MAP2K7: variants seen among roughly 807,000 people sequenced by gnomAD.
The protein encoded by MAP2K7 is mitogen-activated protein kinase kinase 7.
Under a neutral mutation model 47.7 loss-of-function variants are expected in MAP2K7, and 12 were observed. That is an observed-to-expected ratio of 0.25 (90% confidence interval 0.16 to 0.41). MAP2K7 has a LOEUF of 0.41. MAP2K7 is among the 10% of genes least tolerant of loss of function. The pLI, the probability that MAP2K7 is intolerant of heterozygous loss-of-function variation, is 1.00. For synonymous variants in MAP2K7, 299 were observed against 243.0 expected (o/e 1.23, Z -2.14); for missense variants, 415 against 600.3 (o/e 0.69, Z 3.23).
intron 1 of MAP2K7, chr19:7,907,165 GC>G (rs1423458737): frequency 1.3e-5 from 2 of 151,676 alleles, no homozygotes; most frequent in Middle Eastern, 3.1e-3. Flanking sequence ...AATTTAAAAA[GC>G]GTCTTGAAGG....
chr19:7,904,430 C>T (rs1372320251), intron 1 of MAP2K7: 2 of 381,032 alleles, frequency 5.2e-6, no homozygotes, highest in African/African-American at 2.2e-5. Flanking sequence ...TGACCTGATG[C>T]TACCACTCTC....
chr19:7,911,203 G>A lies in MAP2K7; in HGVS notation c.855+44G>A, dbSNP rs202128773. 1.2e-4 allele frequency: 199 copies of A among 1,607,806 alleles called. No individual in the cohort carries two copies. In the African/African-American group the frequency reaches 2.2e-3, roughly 18 times the overall value. ...GCGGGGGAGGGGGTGGGGGCTGGGA[G>A]GCCGGCCCCAGCCTTGGAGATACGT... is the stretch of plus-strand genomic sequence containing the variant. On this transcript the variant is annotated intron_variant, in intron 7 of 10. Coordinates refer to ENST00000397979, the MANE Select transcript of MAP2K7 (RefSeq NM_145185.4).
In MAP2K7 at chr19:7,903,960, C is replaced by T. The variant is rs1443440676; in HGVS notation, c.16C>T (p.Leu6=). The change falls in exon 1 of 11, where the codon CTG becomes TTG. Residue 6 remains leucine, a synonymous_variant. Transcript: ENST00000397979. MAASS[L]EQKLSRLEAK... is the part of the protein sequence containing the mutation. ...GGCGGGGAAGATGGCGGCGTCCTCC[C>T]TGGAACAGAAGCTGTCCCGCCTGGA... 1.3e-6 allele frequency: 2 copies of T among 1,549,310 alleles called. No individual in the cohort carries two copies. The highest frequency in any genetic ancestry group is 1.7e-6 in the Non-Finnish European group (2 of 1,149,862).
At position 7,912,379 on chromosome 19, in the gene MAP2K7, C is replaced by A; in HGVS notation, c.1208C>A (p.Ser403Ter). The A allele has an allele frequency of 6.2e-7, 1 of 1,613,154 alleles. No individual in the cohort carries two copies. Reference sequence around the variant, plus strand: ...AAGGATGTCATGGCGAAGACTGAGTCACCGCGGACTAGCGGCGTCCTGAGC... The same window carrying A: ...AAGGATGTCATGGCGAAGACTGAGTAACCGCGGACTAGCGGCGTCCTGAGC... ...WFKDVMAKTE[S>*]PRTSGVLSQP... is the part of the protein sequence containing the mutation. Residue 403 changes from serine (S) to a stop codon, truncating the protein, a stop_gained, in exon 11 of 11, where the codon TCA becomes TAA. Coordinates refer to ENST00000397979, the MANE Select transcript of MAP2K7 (RefSeq NM_145185.4). LOFTEE classifies it high-confidence loss of function.
Position 7,911,348 on chromosome 19 carries a change from C to T in MAP2K7, c.936+18C>T, listed in dbSNP as rs947022131. On this transcript the variant is annotated intron_variant, in intron 8 of 10. Transcript: ENST00000397979. ...TCTCGTTGGTGAGTTGGGGCCCTCCCCTGTTCTCCAGCCAGGAGTGAGGGC... is the reference window on the plus strand; with the variant it reads ...TCTCGTTGGTGAGTTGGGGCCCTCCTCTGTTCTCCAGCCAGGAGTGAGGGC... 6.2e-7 allele frequency: 1 copy of T among 1,613,482 alleles called. No homozygotes were observed. The highest frequency in any genetic ancestry group is 8.5e-7 in the Non-Finnish European group (1 of 1,179,996).
rs1568280577 is a variant in MAP2K7 at position 7,912,449 on chromosome 19, GC to G, written c.*22del. ...TCAGGTAGCTGCTTGGCGGCGGCCA[GC>G]CCCACAGGGGGCCAGGGGCATGGCC... On this transcript the variant is annotated 3_prime_UTR_variant, in exon 11 of 11. Transcript: ENST00000397979. 1 of 1,603,688 alleles carries G rather than the reference GC, an allele frequency of 6.2e-7. No individual in the cohort carries two copies. Among genetic ancestry groups the G allele is most frequent in the Middle Eastern group, 1.8e-4 (1 of 5,406 alleles).
chr19:7,905,231 C>T (rs1982370151), intron 1 of MAP2K7, among the ~76,000 whole-genome samples: 3 of 151,550 alleles, frequency 2.0e-5, no homozygotes, highest in East Asian at 1.9e-4. Context: ...ATTTAGTTCT[C>T]TCTATGGAGT....
chr19:7,912,217 TC>T (rs1982924149), intron 10 of MAP2K7, 23 bp downstream of exon 10: 1 of 1,613,652 alleles, frequency 6.2e-7, no homozygotes. Flanking sequence ...GCCCTCCCAG[TC>T]CCCGTCCTGT....
rs995929663 is a variant in MAP2K7, at chr19:7,905,745, G to A, written c.124+1677G>A. The A allele has an allele frequency of 2.0e-4, 278 of 1,367,282 alleles. 1 individual carries two copies. Among genetic ancestry groups the A allele is most frequent in the Non-Finnish European group, 4.2e-5 (40 of 957,248 alleles). 84.7% of individuals were successfully genotyped at this position (1,367,282 alleles called of 1,614,324 possible). On this transcript the variant is annotated intron_variant, in intron 1 of 10. Coordinates refer to ENST00000397979, the MANE Select transcript of MAP2K7 (RefSeq NM_145185.4). ...TGATTTGATTTCTTTTCTTTTGGACGAATCAGTCGTTTCTGTTGTGATTTA... is the reference window on the plus strand; with the variant it reads ...TGATTTGATTTCTTTTCTTTTGGACAAATCAGTCGTTTCTGTTGTGATTTA...
intron 1 of MAP2K7, 133 bp from the exon 2 acceptor site, chr19:7,909,622 G>T: frequency 1.7e-6 from 1 of 599,390 alleles, no homozygotes; most frequent in Non-Finnish European, 2.9e-6. Context: ...AGGGCAGGGG[G>T]CTGTGCCAGC....
At chr19:7,910,427 GCTCC>G (rs1568278004) in intron 4 of MAP2K7, 22 bp from the exon 5 acceptor site, 1 of 1,602,942 alleles carries the variant, frequency 6.2e-7, no homozygotes, top group South Asian at 1.1e-5. Flanking sequence ...CGGTGCTGAG[GCTCC>G]CTCCTGTCCC....
chr19:7,904,525 A>G (rs1982316068), intron 1 of MAP2K7: 2 of 267,894 alleles, frequency 7.5e-6, no homozygotes, highest in Non-Finnish European at 1.5e-5. Context: ...GCACACGCGC[A>G]CGCCTGGCTC....
At position 7,910,049 on chromosome 19, in the gene MAP2K7, C is replaced by G. The variant is rs1297211524; in HGVS notation, c.267-14C>G. On this transcript the variant is annotated splice_polypyrimidine_tract_variant and intron_variant, in intron 2 of 10. Transcript: ENST00000397979. ...CAGGACCCACCTCCACCGGCACCTGCTCCATGTCCCCAGCATTGAGATTGA... is the reference window on the plus strand; with the variant it reads ...CAGGACCCACCTCCACCGGCACCTGGTCCATGTCCCCAGCATTGAGATTGA... 1 of 1,592,670 alleles carries G rather than the reference C, an allele frequency of 6.3e-7. No homozygotes were observed. The highest frequency in any genetic ancestry group is 8.5e-7 in the Non-Finnish European group (1 of 1,171,102).
chr19:7,912,404 C>T lies in MAP2K7; in HGVS notation c.1233C>T (p.Ser411=), dbSNP rs1982944815. The change falls in exon 11 of 11, where the codon AGC becomes AGT. Residue 411 remains serine (S), a synonymous_variant. Transcript: ENST00000397979. ...TESPRTSGVL[S]QPHLPFFR is the part of the protein sequence containing the mutation. ...CACCGCGGACTAGCGGCGTCCTGAG[C>T]CAGCCCCACCTGCCCTTCTTCAGGT... is the stretch of plus-strand genomic sequence containing the variant. 1.2e-6 allele frequency: 2 copies of T among 1,612,510 alleles called. No homozygotes were observed. The highest frequency in any genetic ancestry group is 1.7e-6 in the Non-Finnish European group (2 of 1,179,916).
At chr19:7,908,388 A>G (rs1043575912) in intron 1 of MAP2K7, among the ~76,000 whole-genome samples, 4 of 152,208 alleles carry the variant, frequency 2.6e-5, no homozygotes, top group Non-Finnish European at 4.4e-5. Flanking sequence ...GATAGGGGCA[A>G]TGCTGGGCCT....
chr19:7,908,207 G>C (rs1982587137), intron 1 of MAP2K7, among the ~76,000 whole-genome samples: 2 of 151,956 alleles, frequency 1.3e-5, no homozygotes, highest in Admixed American at 1.3e-4. Context: ...GTGCTGCAGA[G>C]GCGGCAGTGG....
chr19:7,909,634 T>C, intron 1 of MAP2K7, 121 bp from the exon 2 acceptor site: 1 of 614,122 alleles, frequency 1.6e-6, no homozygotes, highest in East Asian at 2.9e-5. Context: ...TGTGCCAGCC[T>C]AGCTCGGGAA....
intron 9 of MAP2K7, 112 bp downstream of exon 9, chr19:7,911,690 C>T: frequency 8.7e-7 from 1 of 1,148,446 alleles, no homozygotes; most frequent in Non-Finnish European, 1.2e-6. Flanking sequence ...GCGGATGCGA[C>T]TGTGGGCGGG....
At chr19:7,912,244 A>C in intron 10 of MAP2K7, 50 bp downstream of exon 10, 1 of 1,613,564 alleles carries the variant, frequency 6.2e-7, no homozygotes, top group Non-Finnish European at 8.5e-7. Flanking sequence ...CGGAGGCGCG[A>C]GGCCAGGAGG....
Sources: allele counts gnomAD v4.1 joint callset (sites outside exome capture counted in the v4.1 genomes callset), GRCh38; gene constraint gnomAD v4.1.1; transcripts MANE v1.5; gene names NCBI Gene and HGNC (gene_info 2026-07-23, HGNC 2026-07-21).